Variants in ARSB observed in about 807,000 individuals in gnomAD.
The protein encoded by ARSB is N-acetylgalactosamine-4-sulfatase.
ARSB carries 41 observed loss-of-function variants against 50.9 expected under a neutral mutation model. The ratio of observed to expected loss-of-function variants is 0.81; its 90% CI spans 0.63 to 1.04. The LOEUF (loss-of-function observed/expected upper bound fraction) is 1.04, where lower values mean the gene tolerates loss of function less well. ARSB is among the 50% of genes least tolerant of loss of function. The pLI, the probability that ARSB is intolerant of heterozygous loss-of-function variation, is 0.00. For missense variants in ARSB, 672 were observed against 693.3 expected (o/e 0.97, Z 0.35); for synonymous variants, 269 against 284.8 (o/e 0.94, Z 0.56).
At chr5:78,887,763 GCCTC>G (rs2112220630) in intron 4 of ARSB, among the ~76,000 whole-genome samples, 1 of 152,238 alleles carries the variant, frequency 6.6e-6, no homozygotes, top group South Asian at 2.1e-4. Flanking sequence ...GACACCCCAG[GCCTC>G]TGCCCCTAGA....
chr5:78,884,733 A>C (rs1747927374), intron 5 of ARSB: 1 of 152,240 alleles, frequency 6.6e-6, no homozygotes, highest in Non-Finnish European at 1.5e-5. Flanking sequence ...GTCTTAAAAA[A>C]CATATACTTT....
intron 5 of ARSB, among the ~76,000 whole-genome samples, chr5:78,853,852 A>G (rs1180816107): frequency 6.6e-6 from 1 of 152,144 alleles, no homozygotes; most frequent in Admixed American, 6.5e-5. Flanking sequence ...TGGGCATAGG[A>G]CCCTCTGAGC....
intron 6 of ARSB, among the ~76,000 whole-genome samples, chr5:78,836,486 G>A (rs1429439193): frequency 6.6e-6 from 1 of 152,216 alleles, no homozygotes; most frequent in Non-Finnish European, 1.5e-5. Context: ...GCCTAAATTT[G>A]TGGCGGCAGT....
intron 6 of ARSB, among the ~76,000 whole-genome samples, chr5:78,834,555 T>C (rs71578813): frequency 0.2 from 29,291 of 146,048 alleles, 3,667 homozygotes; most frequent in Non-Finnish European, 0.26. Context: ...TAGCATGTAT[T>C]AGAATTTCTT....
Position 78,780,627 on chromosome 5 carries a change from T to C in ARSB, c.1372A>G (p.Asn458Asp). Residue 458 changes from asparagine (N) to aspartate (D), a missense_variant, in exon 8 of 8, where the codon AAT (asparagine) becomes GAT (aspartate). By Grantham distance (23) the Asn-to-Asp change is conservative. Coordinates refer to ENST00000264914, the MANE Select transcript of ARSB (RefSeq NM_000046.5). ...GYWFPPPSQY[N>D]VSEIPSSDPP... ...TCTGATGAGGGTATCTCAGAAACAT[T>C]GTATTGAGACGGTGGAGGGAACCAG... 6.2e-7 allele frequency: 1 copy of C among 1,614,062 alleles called. No homozygotes were observed.
chr5:78,977,820 TAC>T (rs536959032), intron 1 of ARSB, among the ~76,000 whole-genome samples: 2 of 152,100 alleles, frequency 1.3e-5, no homozygotes, highest in African/African-American at 4.8e-5. Flanking sequence ...CTAAAGATTA[TAC>T]ACACACACAC....
chr5:78,984,741 G>A (rs533609744), intron 1 of ARSB, among the ~76,000 whole-genome samples, 196 bp downstream of exon 1: 5 of 152,128 alleles, frequency 3.3e-5, no homozygotes, highest in African/African-American at 1.2e-4. Context: ...CGCCAGAGCC[G>A]GGCATGCGCA....
At chr5:78,801,163 T>A (rs1355264384) in intron 6 of ARSB, among the ~76,000 whole-genome samples, 2 of 152,158 alleles carry the variant, frequency 1.3e-5, no homozygotes, top group African/African-American at 2.4e-5. Context: ...GAAAGACACA[T>A]CTCCATGTTC....
chr5:78,913,226 G>A (rs1040569234), intron 4 of ARSB, among the ~76,000 whole-genome samples: 2 of 151,400 alleles, frequency 1.3e-5, no homozygotes, highest in African/African-American at 2.4e-5. Context: ...CCAGGTTCAC[G>A]CCATTCTCCT....
intron 6 of ARSB, among the ~76,000 whole-genome samples, chr5:78,810,908 T>G (rs545473955): frequency 6.6e-6 from 1 of 152,360 alleles, no homozygotes; most frequent in African/African-American, 2.4e-5. Context: ...AACTGTTTTC[T>G]ACACAGAAGG....
intron 5 of ARSB, among the ~76,000 whole-genome samples, chr5:78,860,593 T>C (rs1459670753): frequency 1.3e-5 from 2 of 152,202 alleles, no homozygotes; most frequent in Non-Finnish European, 2.9e-5. Flanking sequence ...CCAGAACCTC[T>C]GGGACACATT....
chr5:78,920,104 G>A (rs1749734265), intron 4 of ARSB, among the ~76,000 whole-genome samples: 1 of 152,202 alleles, frequency 6.6e-6, no homozygotes, highest in Non-Finnish European at 1.5e-5. Flanking sequence ...TTGGACAGAG[G>A]AGCCACCTGT....
At position 78,955,334 on chromosome 5, in the gene ARSB, T is replaced by A. The variant is rs545693472; in HGVS notation, c.859A>T (p.Ser287Cys). Residue 287 changes from serine to cysteine, a missense_variant, in exon 4 of 8, where the codon AGT (serine) becomes TGT (cysteine). By Grantham distance (112) the Ser-to-Cys change is moderately radical. Transcript: ENST00000264914. The part of the protein sequence containing the change: ...VGNVTAALKS[S>C]GLWNNTVFIF... ...AACACCGTGTTGTTCCAGAGCCCACTGCTTTTTAAAGCTGCAGTGACATTT... is the reference window on the plus strand; with the variant it reads ...AACACCGTGTTGTTCCAGAGCCCACAGCTTTTTAAAGCTGCAGTGACATTT... 3.1e-6 allele frequency: 5 copies of A among 1,614,226 alleles called. No homozygotes were observed. The South Asian group carries it at 5.5e-5, about 18-fold the overall frequency.
intron 4 of ARSB, among the ~76,000 whole-genome samples, chr5:78,922,028 G>A (rs936949438): frequency 3.4e-4 from 52 of 152,106 alleles, no homozygotes; most frequent in Admixed American, 1.2e-3. Flanking sequence ...GACCAGCCCT[G>A]GCCAGAGGGG....
At chr5:78,797,003 A>G (rs1743209133) in intron 6 of ARSB, among the ~76,000 whole-genome samples, 3 of 147,162 alleles carry the variant, frequency 2.0e-5, no homozygotes, top group African/African-American at 2.5e-5. Flanking sequence ...TCAGCCTCCC[A>G]AGTAGCTGGG....
chr5:78,861,596 A>G (rs1299421241), intron 5 of ARSB, among the ~76,000 whole-genome samples: 4 of 152,340 alleles, frequency 2.6e-5, no homozygotes, highest in East Asian at 1.9e-4. Context: ...GAAACTAGGT[A>G]TTGATGGGAC....
At chr5:78,791,377 G>A (rs113949377) in intron 6 of ARSB, among the ~76,000 whole-genome samples, 1,741 of 152,224 alleles carry the variant, frequency 0.011, 17 homozygotes, top group Non-Finnish European at 0.02. Flanking sequence ...GCTTATTTAC[G>A]CTAAAGTTCA....
chr5:78,871,888 A>G (rs969602546), intron 5 of ARSB, among the ~76,000 whole-genome samples: 1 of 145,302 alleles, frequency 6.9e-6, no homozygotes, highest in African/African-American at 2.5e-5. Flanking sequence ...CAACCTACAA[A>G]ATGGGAGAAA....
chr5:78,985,370 C>T (rs946747232), upstream of ARSB: 1 of 1,018,284 alleles, frequency 9.8e-7, no homozygotes, highest in East Asian at 3.6e-5. Flanking sequence ...CCCAGCGGGC[C>T]GTGGGCTTGC....
Sources: gnomAD v4.1 joint callset for allele counts (sites outside exome capture counted in the v4.1 genomes callset) on GRCh38, gnomAD v4.1.1 for gene constraint, MANE v1.5 for transcripts, NCBI Gene and HGNC (gene_info 2026-07-23, HGNC 2026-07-21) for gene names.